CYTH3: variants seen among roughly 807,000 people sequenced by gnomAD.
The protein encoded by CYTH3 is cytohesin 3, also known as cytohesin-3.
Under a neutral mutation model 55.1 loss-of-function variants are expected in CYTH3, and 23 were observed. The ratio of observed to expected loss-of-function variants is 0.42; its 90% CI spans 0.30 to 0.59. The LOEUF (loss-of-function observed/expected upper bound fraction) is 0.59. Ranked by LOEUF, CYTH3 falls within the 20% of genes least tolerant of loss-of-function variation. The pLI, the probability that CYTH3 is intolerant of heterozygous loss-of-function variation, is 0.20. For synonymous variants in CYTH3, 249 were observed against 194.9 expected, an observed-to-expected ratio of 1.28 and a Z score of -2.31; for missense variants, 413 against 524.8, an observed-to-expected ratio of 0.79 and a Z score of 2.08.
intron 1 of CYTH3, among the ~76,000 whole-genome samples, chr7:6,223,112 C>G (rs1027269851): frequency 2.0e-5 from 3 of 152,218 alleles, no homozygotes; most frequent in African/African-American, 7.2e-5. Flanking sequence ...CTCTGCCTGG[C>G]TGCCCTTCGT....
intron 4 of CYTH3, among the ~76,000 whole-genome samples, chr7:6,179,828 GCACACCACATACACCACACCACAGA>G (rs1420521927): frequency 1.2e-4 from 8 of 64,514 alleles, no homozygotes; most frequent in African/African-American, 5.1e-4. Context: ...CACCACACAC[GCACACCACATACACCACACCACAGA>G]CACACCACAC....
chr7:6,167,605 G>A lies in CYTH3; in HGVS notation c.824-1795C>T, dbSNP rs1215142100. Among the ~76,000 whole-genome samples, 1 of 152,226 alleles carries A rather than the reference G, an allele frequency of 6.6e-6. No individual in the cohort carries two copies. Among genetic ancestry groups the A allele is most frequent in the African/African-American group, 2.4e-5 (1 of 41,466 alleles). On this transcript the variant is annotated intron_variant, in intron 9 of 12. Transcript: ENST00000350796. The surrounding 1 kb of genome is among the most constrained non-coding windows in gnomAD (Gnocchi z 5.5). The stretch of plus-strand genomic sequence containing the variant: ...CCCTCCGGCTTGAAGCCCCCCAAAG[G>A]GTCCCACTGCACTCAGCTTTAAACC...
chr7:6,209,542 T>C (rs1349761868), intron 1 of CYTH3, among the ~76,000 whole-genome samples: 1 of 152,232 alleles, frequency 6.6e-6, no homozygotes, highest in Non-Finnish European at 1.5e-5. Context: ...GAGGACACTT[T>C]GGAAGACAGT....
At chr7:6,190,646 A>C in intron 1 of CYTH3, 115 bp from the exon 2 acceptor site, 1 of 771,566 alleles carries the variant, frequency 1.3e-6, no homozygotes. Flanking sequence ...ATTTATCCTA[A>C]AGAAATGCTC....
At chr7:6,219,100 T>C (rs1784489460) in intron 1 of CYTH3, among the ~76,000 whole-genome samples, 1 of 151,010 alleles carries the variant, frequency 6.6e-6, no homozygotes, top group African/African-American at 2.4e-5. Flanking sequence ...AATACCTACA[T>C]CTTCATAAGC....
chr7:6,205,875 TAAAAAAAAAAAAAAAAAA>T (rs370194149), intron 1 of CYTH3, among the ~76,000 whole-genome samples: 2 of 28,074 alleles, frequency 7.1e-5, no homozygotes, highest in African/African-American at 1.6e-4. Context: ...TCCTATCTCT[TAAAAAAAAAAAAAAAAAA>T]AAAAAAAAAA....
intron 1 of CYTH3, among the ~76,000 whole-genome samples, chr7:6,223,730 G>C (rs547724617): frequency 1.3e-5 from 2 of 148,446 alleles, no homozygotes; most frequent in South Asian, 2.1e-4. Flanking sequence ...AGGAAAACTA[G>C]AGACTTTTGT....
At chr7:6,179,744 A>C (rs1583749516) in intron 4 of CYTH3, among the ~76,000 whole-genome samples, 1 of 52,808 alleles carries the variant, frequency 1.9e-5, no homozygotes, top group African/African-American at 2.0e-4. Context: ...CCCACCACAC[A>C]CACCCCACAC....
At chr7:6,187,929 T>G (rs1440861490) in intron 2 of CYTH3, among the ~76,000 whole-genome samples, 3 of 152,178 alleles carry the variant, frequency 2.0e-5, no homozygotes, top group Admixed American at 6.5e-5. Context: ...CTTTGCTCAC[T>G]TTTCATCAGA....
At chr7:6,270,681 C>G (rs1195882722) in intron 1 of CYTH3, among the ~76,000 whole-genome samples, 1 of 152,150 alleles carries the variant, frequency 6.6e-6, no homozygotes, top group African/African-American at 2.4e-5. Flanking sequence ...CAATTTTTTG[C>G]TATTTTAAAC....
chr7:6,197,131 C>G (rs1285585120), intron 1 of CYTH3, among the ~76,000 whole-genome samples: 1 of 152,168 alleles, frequency 6.6e-6, no homozygotes, highest in African/African-American at 2.4e-5. Context: ...TAATCGGAAT[C>G]AAAGGATTTC....
At chr7:6,260,405 A>T (rs1047005147) in intron 1 of CYTH3, among the ~76,000 whole-genome samples, 5 of 152,128 alleles carry the variant, frequency 3.3e-5, no homozygotes, top group African/African-American at 7.2e-5. Context: ...TTTCACTGCA[A>T]AACAAACATA....
intron 1 of CYTH3, among the ~76,000 whole-genome samples, chr7:6,213,340 G>A (rs143624267): frequency 5.3e-5 from 8 of 152,312 alleles, no homozygotes; most frequent in East Asian, 1.9e-4. Flanking sequence ...AGCACTATCC[G>A]TTGTTGCATG....
rs1029110920 is a variant in CYTH3 at position 6,162,515 on chromosome 7, G to A, written c.*2429C>T. On this transcript the variant is annotated 3_prime_UTR_variant, in exon 13 of 13. Transcript: ENST00000350796. ...CCTGTTTCAGGGCCGTCCTGGTAGC[G>A]GCTGGCCCTGCGCAGTCACTGACCC... is the stretch of plus-strand genomic sequence containing the variant. The A allele has an allele frequency of 5.9e-5, 9 of 152,220 alleles. No individual in the cohort carries two copies. The highest frequency in any genetic ancestry group is 1.9e-4 in the East Asian group (1 of 5,206). 9.4% of individuals were successfully genotyped at this position (152,220 alleles called of 1,614,324 possible). A position where few individuals can be genotyped will look rare whatever the true frequency, so the allele number is the denominator to read the frequency against.
At chr7:6,197,616 G>C (rs1783964779) in intron 1 of CYTH3, among the ~76,000 whole-genome samples, 1 of 152,128 alleles carries the variant, frequency 6.6e-6, no homozygotes, top group Non-Finnish European at 1.5e-5. Flanking sequence ...CCAAGAGGGG[G>C]AGATTGCAGT....
chr7:6,183,536 A>T (rs1562883665), intron 4 of CYTH3, among the ~76,000 whole-genome samples: 1 of 152,184 alleles, frequency 6.6e-6, no homozygotes, highest in Non-Finnish European at 1.5e-5. Flanking sequence ...TCAACAAACC[A>T]AAGCTCCCTG....
At chr7:6,225,328 G>A (rs545697786) in intron 1 of CYTH3, among the ~76,000 whole-genome samples, 1 of 152,032 alleles carries the variant, frequency 6.6e-6, no homozygotes, top group South Asian at 2.1e-4. Flanking sequence ...TTAAGATAGA[G>A]CCTACATTAA....
chr7:6,248,274 C>G (rs73675896), intron 1 of CYTH3, among the ~76,000 whole-genome samples: 1,649 of 150,018 alleles, frequency 0.011, 30 homozygotes, highest in African/African-American at 0.038. Context: ...ATAGCTGGAC[C>G]TCCTCCTCAG....
At chr7:6,222,154 G>A (rs762644086) in intron 1 of CYTH3, among the ~76,000 whole-genome samples, 22 of 152,252 alleles carry the variant, frequency 1.4e-4, no homozygotes, top group Middle Eastern at 3.4e-3. Flanking sequence ...CTCCTGCCAG[G>A]GTGCCCTTCA....
Sources: gnomAD v4.1 joint callset for allele counts (sites outside exome capture counted in the v4.1 genomes callset) on GRCh38, gnomAD v4.1.1 for gene constraint, Gnocchi (gnomAD v3.1) non-coding constraint, MANE v1.5 for transcripts, NCBI Gene and HGNC (gene_info 2026-07-23, HGNC 2026-07-21) for gene names.